Variants in FRMPD4 observed in about 807,000 individuals in gnomAD.
FRMPD4 encodes the protein FERM and PDZ domain containing 4, also known as FERM and PDZ domain-containing protein 4.
A neutral mutation model predicts 94.1 loss-of-function variants in FRMPD4; 22 were observed. The observed-to-expected ratio is 0.23, with a 90% CI of 0.17 to 0.33. FRMPD4 has a LOEUF of 0.33. FRMPD4 is among the 10% of genes least tolerant of loss of function. The pLI, the probability that FRMPD4 is intolerant of heterozygous loss-of-function variation, is 1.00. For synonymous variants in FRMPD4, 631 were observed against 548.6 expected, an observed-to-expected ratio of 1.15 and a Z score of -2.10; for missense variants, 1,111 against 1,339.9, an observed-to-expected ratio of 0.83 and a Z score of 2.67.
At chrX:11,870,641 G>A (rs972730734) in intron 2 of FRMPD4, among the ~76,000 whole-genome samples, 4 of 111,633 alleles carry the variant, frequency 3.6e-5, no homozygotes, top group Non-Finnish European at 7.5e-5. Flanking sequence ...AACTGCAAGA[G>A]CTGTGTCTCC....
intron 1 of FRMPD4, among the ~76,000 whole-genome samples, chrX:12,177,779 T>C (rs1214556490): frequency 1.8e-5 from 2 of 112,190 alleles, no homozygotes; most frequent in Non-Finnish European, 1.9e-5. Flanking sequence ...ATAAGAATCC[T>C]GGCCCTTGTA....
At chrX:12,578,938 A>G (rs1420914322) in intron 2 of FRMPD4, among the ~76,000 whole-genome samples, 1 of 112,273 alleles carries the variant, frequency 8.9e-6, no homozygotes, top group Non-Finnish European at 1.9e-5. Flanking sequence ...TTCACAATGG[A>G]AAATGTAACT....
chrX:12,439,159 T>G (rs1265633261), intron 1 of FRMPD4, among the ~76,000 whole-genome samples: 1 of 111,369 alleles, frequency 9.0e-6, no homozygotes, highest in African/African-American at 3.3e-5. Flanking sequence ...GATTCAGGTT[T>G]TCTACGTTCA....
intron 4 of FRMPD4, among the ~76,000 whole-genome samples, chrX:12,646,041 A>G (rs1341775961): frequency 6.2e-5 from 7 of 112,079 alleles, no homozygotes; most frequent in Admixed American, 2.8e-4. Flanking sequence ...ATCTGTTATT[A>G]TTTTAGAGGA....
intron 1 of FRMPD4, among the ~76,000 whole-genome samples, chrX:12,244,953 G>T (rs1207019717): frequency 8.9e-6 from 1 of 112,635 alleles, no homozygotes; most frequent in East Asian, 2.8e-4. Flanking sequence ...GCCACACCGT[G>T]GTGGCACTGT....
At chrX:12,291,260 A>G (rs2054684185) in intron 1 of FRMPD4, among the ~76,000 whole-genome samples, 1 of 111,968 alleles carries the variant, frequency 8.9e-6, no homozygotes, top group South Asian at 3.7e-4. Context: ...GTACTACCTG[A>G]ACTTTTCTCT....
intron 3 of FRMPD4, among the ~76,000 whole-genome samples, chrX:11,884,700 C>T (rs775977993): frequency 1.8e-5 from 2 of 110,540 alleles, no homozygotes; most frequent in East Asian, 2.8e-4. Flanking sequence ...ATTGAGTTAC[C>T]CTTTGAGACT....
chrX:12,636,139 G>T (rs2059441301), intron 4 of FRMPD4, among the ~76,000 whole-genome samples: 2 of 111,605 alleles, frequency 1.8e-5, no homozygotes, highest in African/African-American at 6.5e-5. Flanking sequence ...CTCTTCCATG[G>T]TCTCATAAAA....
chrX:12,581,811 T>C (rs1232626072), intron 2 of FRMPD4, among the ~76,000 whole-genome samples: 1 of 112,036 alleles, frequency 8.9e-6, no homozygotes, highest in East Asian at 2.8e-4. Context: ...TTCTCTCAGG[T>C]ATCCATGATT....
intron 3 of FRMPD4, among the ~76,000 whole-genome samples, chrX:12,034,899 G>A (rs901082288): frequency 8.9e-6 from 1 of 112,102 alleles, no homozygotes; most frequent in Non-Finnish European, 1.9e-5. Flanking sequence ...TTGTGTGTAG[G>A]CAGCTCTAGC....
At chrX:11,908,436 G>C (rs1208103407) in intron 3 of FRMPD4, among the ~76,000 whole-genome samples, 1 of 111,997 alleles carries the variant, frequency 8.9e-6, no homozygotes, top group Non-Finnish European at 1.9e-5. Flanking sequence ...CATTCCCAGT[G>C]GGGCTACAAC....
chrX:12,577,980 G>A (rs59300027), intron 2 of FRMPD4, among the ~76,000 whole-genome samples: 30,403 of 111,888 alleles, frequency 0.27, 3,853 homozygotes, highest in African/African-American at 0.51. Flanking sequence ...AGCATGGTCA[G>A]TTCTAGGTGA....
At chrX:12,125,335 A>C (rs898484324) in intron 3 of FRMPD4, among the ~76,000 whole-genome samples, 2 of 112,310 alleles carry the variant, frequency 1.8e-5, no homozygotes, top group African/African-American at 6.5e-5. Context: ...AAAAACTGGA[A>C]TGAAACCACA....
At chrX:12,260,408 A>C (rs1212843537) in intron 1 of FRMPD4, among the ~76,000 whole-genome samples, 1 of 112,162 alleles carries the variant, frequency 8.9e-6, no homozygotes, top group African/African-American at 3.2e-5. Flanking sequence ...GAAAACTAGT[A>C]ATAATTATCA....
At chrX:12,438,912 C>A (rs1375503355) in intron 1 of FRMPD4, among the ~76,000 whole-genome samples, 1 of 110,889 alleles carries the variant, frequency 9.0e-6, no homozygotes, top group East Asian at 2.8e-4. Context: ...AACTTAGCAC[C>A]AGGAGACAGT....
chrX:12,427,897 C>CTTTTTTTTT (rs139267482), intron 1 of FRMPD4, among the ~76,000 whole-genome samples: 44 of 54,745 alleles, frequency 8.0e-4, no homozygotes, highest in South Asian at 1.3e-3. Flanking sequence ...CCTTTTTTCT[C>CTTTTTTTTT]TTTTTTTTTT....
intron 1 of FRMPD4, among the ~76,000 whole-genome samples, chrX:12,407,185 A>G (rs965429282): frequency 1.8e-5 from 2 of 111,843 alleles, no homozygotes. Context: ...TTACATATGC[A>G]AAGTCCCTTT....
intron 4 of FRMPD4, among the ~76,000 whole-genome samples, chrX:12,632,338 A>G (rs2059403556): frequency 9.0e-6 from 1 of 111,625 alleles, no homozygotes; most frequent in South Asian, 3.8e-4. Context: ...GTGAGAGACC[A>G]TTCTTCATTG....
intron 1 of FRMPD4, among the ~76,000 whole-genome samples, chrX:12,272,587 C>G (rs2054370866): frequency 8.9e-6 from 1 of 111,979 alleles, no homozygotes; most frequent in Admixed American, 9.5e-5. Flanking sequence ...ATTAATTCAA[C>G]TTTTCTTTAC....
Sources: allele counts gnomAD v4.1 joint callset (sites outside exome capture counted in the v4.1 genomes callset), GRCh38; gene constraint gnomAD v4.1.1; transcripts MANE v1.5; gene names NCBI Gene and HGNC (gene_info 2026-07-23, HGNC 2026-07-21).